Variants in SH3GLB2 observed in about 807,000 individuals in gnomAD.
SH3GLB2 encodes endophilin-B2.
SH3GLB2 carries 24 observed loss-of-function variants against 48.0 expected under a neutral mutation model. The observed-to-expected ratio is 0.50, with a 90% confidence interval of 0.36 to 0.70. The LOEUF (loss-of-function observed/expected upper bound fraction) is 0.70. SH3GLB2 is among the 30% of genes least tolerant of loss of function. The probability of loss-of-function intolerance (pLI) is 0.00; values close to 1 mark genes in which losing one functional copy is unlikely to be tolerated. For synonymous variants in SH3GLB2, 227 were observed against 207.6 expected (o/e 1.09, Z -0.80); for missense variants, 425 against 516.0 (o/e 0.82, Z 1.71).
rs1232114921 is a variant in SH3GLB2, at chr9:129,008,548, G to A, written c.*136C>T. The A allele has an allele frequency of 4.4e-6, 3 of 679,222 alleles. No individual in the cohort carries two copies. Among genetic ancestry groups the A allele is most frequent in the Non-Finnish European group, 7.8e-6 (3 of 386,772 alleles). The allele number at this position is 679,222 out of a possible 1,614,324, so 42.1% of individuals were successfully genotyped here. A position where few individuals can be genotyped will look rare whatever the true frequency, so the allele number is the denominator to read the frequency against. ...GCCTCAGGCACCCTCACAGCTAGGT[G>A]ACTAGGGGCAGGGACAGAATGGGGT... is the stretch of plus-strand genomic sequence containing the variant. On this transcript the variant is annotated 3_prime_UTR_variant, in exon 11 of 11. Coordinates refer to ENST00000372564, the MANE Select transcript of SH3GLB2 (RefSeq NM_020145.4).
At position 129,007,395 on chromosome 9, in the gene SH3GLB2, C is replaced by G. The variant is rs1265600255; in HGVS notation, c.*1289G>C. 1 of 152,334 alleles carries G rather than the reference C, an allele frequency of 6.6e-6. No homozygotes were observed. The highest frequency in any genetic ancestry group is 1.9e-4 in the East Asian group (1 of 5,210). 9.4% of individuals were successfully genotyped at this position (152,334 alleles called of 1,614,324 possible). On this transcript the variant is annotated 3_prime_UTR_variant, in exon 11 of 11. Coordinates refer to ENST00000372564, the MANE Select transcript of SH3GLB2 (RefSeq NM_020145.4). ...AGCCTTTCTTGAAGCTCTGTGCCTT[C>G]CTATTTATAGCCCCGTGCCCCCGTC...
chr9:129,022,461 G>T, intron 1 of SH3GLB2, 38 bp from the exon 2 acceptor site: 2 of 1,545,914 alleles, frequency 1.3e-6, no homozygotes, highest in Non-Finnish European at 1.8e-6. Context: ...GGGAGGGGGA[G>T]AGCTCAGAAG....
chr9:129,013,925 T>C, intron 5 of SH3GLB2: 1 of 433,058 alleles, frequency 2.3e-6, no homozygotes, highest in Non-Finnish European at 4.7e-6. Flanking sequence ...GCCCAGGCCC[T>C]ATCCAATCTC....
chr9:129,018,996 G>A (rs1843619391), intron 3 of SH3GLB2, among the ~76,000 whole-genome samples: 1 of 151,950 alleles, frequency 6.6e-6, no homozygotes, highest in South Asian at 2.1e-4. Context: ...GAACTTATAG[G>A]GACCGAAAAC....
chr9:129,010,925 C>A, intron 6 of SH3GLB2: 1 of 587,716 alleles, frequency 1.7e-6, no homozygotes, highest in Non-Finnish European at 3.1e-6. Flanking sequence ...CAGCAGGAGT[C>A]CTGCTTATAT....
rs1370251613 is a variant in SH3GLB2, at chr9:129,009,077, C to T, written c.1080+29G>A. ...CAGGCTGCTCCTCACCCAGCCCATTCCTGCCCCACCTTGCGGCACCGGGCC... is the reference window on the plus strand; with the variant it reads ...CAGGCTGCTCCTCACCCAGCCCATTTCTGCCCCACCTTGCGGCACCGGGCC... On this transcript the variant is annotated intron_variant, in intron 10 of 10. Transcript: ENST00000372564. 2.5e-6 allele frequency: 4 copies of T among 1,603,646 alleles called. No individual in the cohort carries two copies. The South Asian group carries it at 3.3e-5, about 13-fold the overall frequency.
intron 1 of SH3GLB2, among the ~76,000 whole-genome samples, chr9:129,024,188 G>A (rs1306006035): frequency 2.0e-5 from 3 of 147,452 alleles, no homozygotes; most frequent in Non-Finnish European, 3.0e-5. Flanking sequence ...TTGGAAGGCC[G>A]ATGTGGGCAG....
chr9:129,024,311 C>T (rs1844006896), intron 1 of SH3GLB2, among the ~76,000 whole-genome samples: 1 of 150,802 alleles, frequency 6.6e-6, no homozygotes, highest in Admixed American at 6.6e-5. Context: ...CCTATAATCC[C>T]AGCACTTTGG....
chr9:129,011,714 A>C lies in SH3GLB2; in HGVS notation c.624+522T>G. 1 of 153,810 alleles carries C rather than the reference A, an allele frequency of 6.5e-6. No homozygotes were observed. Among genetic ancestry groups the C allele is most frequent in the Non-Finnish European group, 1.4e-5 (1 of 69,116 alleles). 9.5% of individuals were successfully genotyped at this position (153,810 alleles called of 1,614,324 possible). A position where few individuals can be genotyped will look rare whatever the true frequency, so the allele number is the denominator to read the frequency against. On this transcript the variant is annotated intron_variant, in intron 6 of 10. Transcript: ENST00000372564. The surrounding 1 kb of genome is among the most constrained non-coding windows in gnomAD (Gnocchi z 4.5). ...CCAACTCCCCTGGGGGCCCTGCCTA[A>C]GCCTCAGGACAAGACATGCCCTGCT...
At position 129,009,339 on chromosome 9, in the gene SH3GLB2, C is replaced by G; in HGVS notation, c.847G>C (p.Gly283Arg). Residue 283 changes from glycine (G) to arginine (R), a missense_variant, in exon 10 of 11, where the codon GGC becomes CGC. Transcript: ENST00000372564. The stretch of plus-strand genomic sequence containing the variant: ...GGCTCTGTGGTGCCCACGAAGGTGC[C>G]GGGAAATCTGGAGAGGAGGGATACA... ...DLQKQLGRFPGTFVGTTEPAS... is the reference protein window; with the variant it reads ...DLQKQLGRFPRTFVGTTEPAS... 2.6e-6 allele frequency: 4 copies of G among 1,547,272 alleles called. No homozygotes were observed. The highest frequency in any genetic ancestry group is 3.5e-6 in the Non-Finnish European group (4 of 1,144,122).
rs1457404970 is a variant in SH3GLB2 at position 129,010,180 on chromosome 9, T to C, written c.678A>G (p.Thr226=). 2 of 1,613,944 alleles carry C rather than the reference T, an allele frequency of 1.2e-6. No homozygotes were observed. The highest frequency in any genetic ancestry group is 4.5e-5 in the East Asian group (2 of 44,858). ...TCACTTCTGCTTGCCGGTCAAACTC[T>C]GTCTGGGCCACGCGGAGCTCCTGCT... ...KAEQELRVAQ[T]EFDRQAEVTR... The change falls in exon 8 of 11, where the codon ACA becomes ACG. Residue 226 remains threonine (T), a synonymous_variant. Transcript: ENST00000372564.
chr9:129,022,829 G>C (rs541671629), intron 1 of SH3GLB2, among the ~76,000 whole-genome samples: 1 of 152,200 alleles, frequency 6.6e-6, no homozygotes, highest in South Asian at 2.1e-4. Flanking sequence ...CAGGGAGTAG[G>C]GTCTGGGGTT....
chr9:129,018,539 T>C (rs1843585251), intron 3 of SH3GLB2, among the ~76,000 whole-genome samples: 2 of 150,006 alleles, frequency 1.3e-5, no homozygotes, highest in South Asian at 2.1e-4. Flanking sequence ...ATTGCGCCAC[T>C]GCACTCCAGC....
chr9:129,010,261 C>T lies in SH3GLB2; in HGVS notation c.649-52G>A, dbSNP rs929815703. The T allele has an allele frequency of 5.3e-6, 8 of 1,500,958 alleles. No individual in the cohort carries two copies. The African/African-American group carries it at 8.3e-5, about 16-fold the overall frequency. 93.0% of individuals were successfully genotyped at this position (1,500,958 alleles called of 1,614,324 possible). A position where few individuals can be genotyped will look rare whatever the true frequency, so the allele number is the denominator to read the frequency against. On this transcript the variant is annotated intron_variant, in intron 7 of 10. Coordinates refer to ENST00000372564, the MANE Select transcript of SH3GLB2 (RefSeq NM_020145.4). Reference sequence around the variant, plus strand: ...ACCCACACACCACCCACCAGCTTCCCCGCAGTCTTCTCCTGGAGCCTACCT... The same window carrying T: ...ACCCACACACCACCCACCAGCTTCCTCGCAGTCTTCTCCTGGAGCCTACCT...
At position 129,012,926 on chromosome 9, in the gene SH3GLB2, G is replaced by A. The variant is rs1027061791; in HGVS notation, c.562-628C>T. On this transcript the variant is annotated intron_variant, in intron 5 of 10. Coordinates refer to ENST00000372564, the MANE Select transcript of SH3GLB2 (RefSeq NM_020145.4). ...GCTGCTTGCAAAATGCCCCAAGGACGTGGGCTGGCCATGGCACCGTGGGTC... is the reference window on the plus strand; with the variant it reads ...GCTGCTTGCAAAATGCCCCAAGGACATGGGCTGGCCATGGCACCGTGGGTC... 56 of 1,526,574 alleles carry A rather than the reference G, an allele frequency of 3.7e-5. No homozygotes were observed. In the Admixed American group the frequency reaches 8.2e-4, roughly 22 times the overall value. 94.6% of individuals were successfully genotyped at this position (1,526,574 alleles called of 1,614,324 possible).
At chr9:129,021,741 T>C (rs1447847783) in intron 2 of SH3GLB2, among the ~76,000 whole-genome samples, 1 of 151,572 alleles carries the variant, frequency 6.6e-6, no homozygotes, top group Non-Finnish European at 1.5e-5. Context: ...GGTGGATCAT[T>C]TGAGGTCAGG....
Position 129,027,108 on chromosome 9 carries a change from G to A in SH3GLB2, c.63+984C>T, listed in dbSNP as rs180802343. Among the ~76,000 whole-genome samples, 14 of 152,276 alleles carry A rather than the reference G, an allele frequency of 9.2e-5. No homozygotes were observed. In the East Asian group the frequency reaches 2.1e-3, roughly 23 times the overall value. On this transcript the variant is annotated intron_variant, in intron 1 of 10. Transcript: ENST00000372564. ...TGGGATGGGCCAGCCCCGGGCCTGC[G>A]GAATCCCACTGAATCCCATAACCAC... is the stretch of plus-strand genomic sequence containing the variant.
chr9:129,015,560 A>G (rs1456267282), intron 3 of SH3GLB2, among the ~76,000 whole-genome samples: 1 of 152,074 alleles, frequency 6.6e-6, no homozygotes, highest in African/African-American at 2.4e-5. Context: ...ACATGGCAAA[A>G]CCTTGTCTTT....
Position 129,028,291 on chromosome 9 carries a change from T to TGCCCGCCC in SH3GLB2, c.-145_-138dup, listed in dbSNP as rs1226673285. On this transcript the variant is annotated 5_prime_UTR_variant, in exon 1 of 11. Coordinates refer to ENST00000372564, the MANE Select transcript of SH3GLB2 (RefSeq NM_020145.4). The stretch of plus-strand genomic sequence containing the variant: ...GCACCCGCCTGCCGGCCTGCCCGCC[T>TGCCCGCCC]GCCCGCCCGCCGCAGCCGCCGAGCC... 7.9e-4 allele frequency: 376 copies of TGCCCGCCC among 476,108 alleles called. 1 individual carries two copies. Among genetic ancestry groups the TGCCCGCCC allele is most frequent in the Admixed American group, 3.0e-3 (46 of 15,212 alleles). 29.5% of individuals were successfully genotyped at this position (476,108 alleles called of 1,614,324 possible).
Sources: gnomAD v4.1 joint callset for allele counts (sites outside exome capture counted in the v4.1 genomes callset) on GRCh38, gnomAD v4.1.1 for gene constraint, Gnocchi (gnomAD v3.1) non-coding constraint, MANE v1.5 for transcripts, NCBI Gene and HGNC (gene_info 2026-07-23, HGNC 2026-07-21) for gene names.